The following TIAM2 variants were observed in gnomAD, a reference collection of about 807,000 sequenced individuals.
The protein encoded by TIAM2 is TIAM Rac1 associated GEF 2, also known as rho guanine nucleotide exchange factor TIAM2.
A neutral mutation model predicts 152.9 loss-of-function variants in TIAM2; 80 were observed. The ratio of observed to expected loss-of-function variants is 0.52; its 90% CI spans 0.44 to 0.63. The LOEUF is 0.63. Ranked by LOEUF, TIAM2 falls within the 30% of genes least tolerant of loss-of-function variation. The pLI is 0.00. For missense variants in TIAM2, 1,965 were observed against 2,120.1 expected (o/e 0.93, Z 1.44); for synonymous variants, 804 against 838.0 (o/e 0.96, Z 0.70).
intron 22 of TIAM2, 57 bp downstream of exon 22, chr6:155,251,078 C>A: frequency 6.8e-7 from 1 of 1,460,614 alleles, no homozygotes; most frequent in Non-Finnish European, 9.6e-7. Context: ...TACGGAAGAA[C>A]TTCACTAGCC....
chr6:155,238,556 G>A (rs1782883131), intron 15 of TIAM2, among the ~76,000 whole-genome samples: 1 of 152,188 alleles, frequency 6.6e-6, no homozygotes, highest in Non-Finnish European at 1.5e-5. Context: ...CTTGCCCCTT[G>A]AGGTAGGCCT....
At chr6:155,196,688 G>T (rs1255223553) in intron 14 of TIAM2, among the ~76,000 whole-genome samples, 13 of 152,180 alleles carry the variant, frequency 8.5e-5, no homozygotes, top group Admixed American at 8.5e-4. Context: ...CATAGTGTAA[G>T]GCAAACACAT....
chr6:155,256,455 C>A, intron 26 of TIAM2, 29 bp from the exon 27 acceptor site: 1 of 1,613,722 alleles, frequency 6.2e-7, no homozygotes, highest in South Asian at 1.1e-5. Context: ...GTTTCTGTAT[C>A]ACAGCGAAAT....
rs1168973624 is a variant in TIAM2, at chr6:155,156,436, C to T, written c.2029-7979C>T. 6.6e-6 allele frequency among the ~76,000 whole-genome samples: 1 copy of T among 152,142 alleles called. No individual in the cohort carries two copies. Among genetic ancestry groups the T allele is most frequent in the South Asian group, 2.1e-4 (1 of 4,828 alleles). On this transcript the variant is annotated intron_variant, in intron 7 of 26. Coordinates refer to ENST00000682666, the MANE Select transcript of TIAM2 (RefSeq NM_012454.4). The surrounding 1 kb of genome is among the most constrained non-coding windows in gnomAD (Gnocchi z 4.4). ...TTGGGAGGCCAAGGTGGGCGGATCACTTGAGGTCAGGAGTTCAAGACTAGC... is the reference window on the plus strand; with the variant it reads ...TTGGGAGGCCAAGGTGGGCGGATCATTTGAGGTCAGGAGTTCAAGACTAGC...
chr6:155,042,798 T>C (rs1777079299), intron 1 of TIAM2, among the ~76,000 whole-genome samples: 1 of 151,766 alleles, frequency 6.6e-6, no homozygotes, highest in African/African-American at 2.4e-5. Context: ...ACTCTCAGCA[T>C]TTTTCAAGTA....
At chr6:155,187,726 G>A (rs1381758340) in intron 14 of TIAM2, among the ~76,000 whole-genome samples, 1 of 151,768 alleles carries the variant, frequency 6.6e-6, no homozygotes, top group Non-Finnish European at 1.5e-5. Flanking sequence ...TTACAGGCAT[G>A]CACCACCACG....
At chr6:155,131,468 T>C (rs1233046791) in intron 4 of TIAM2, among the ~76,000 whole-genome samples, 1 of 152,204 alleles carries the variant, frequency 6.6e-6, no homozygotes, top group East Asian at 1.9e-4. Flanking sequence ...TCATTATTTT[T>C]GGTTGAATAG....
chr6:155,195,174 T>C (rs1781310629), intron 14 of TIAM2, among the ~76,000 whole-genome samples: 1 of 152,200 alleles, frequency 6.6e-6, no homozygotes, highest in Admixed American at 6.5e-5. Context: ...GTGTGCAAAA[T>C]AAAACTTGTA....
chr6:155,138,332 C>G (rs1049161381), intron 5 of TIAM2, among the ~76,000 whole-genome samples: 1 of 152,102 alleles, frequency 6.6e-6, no homozygotes, highest in African/African-American at 2.4e-5. Flanking sequence ...GGTTTTCTTT[C>G]CAGCTTGTGC....
intron 1 of TIAM2, among the ~76,000 whole-genome samples, chr6:155,025,417 G>C (rs569558838): frequency 6.6e-6 from 1 of 151,944 alleles, no homozygotes; most frequent in Non-Finnish European, 1.5e-5. Flanking sequence ...TCCTGACCTC[G>C]TGATCTGCCC....
At chr6:155,206,494 T>C (rs1781599794) in intron 14 of TIAM2, among the ~76,000 whole-genome samples, 2 of 152,074 alleles carry the variant, frequency 1.3e-5, no homozygotes, top group Non-Finnish European at 2.9e-5. Context: ...CTCAGCCTCC[T>C]AAAGTGCTGG....
chr6:155,026,874 G>C (rs188063984), intron 1 of TIAM2, among the ~76,000 whole-genome samples: 3 of 152,076 alleles, frequency 2.0e-5, no homozygotes, highest in Non-Finnish European at 4.4e-5. Flanking sequence ...ATGGTGAGAC[G>C]GTGTAACGGA....
intron 2 of TIAM2, among the ~76,000 whole-genome samples, chr6:155,122,750 T>C (rs1427475921): frequency 1.3e-5 from 2 of 152,036 alleles, no homozygotes; most frequent in Non-Finnish European, 2.9e-5. Context: ...ATACTTCATA[T>C]CTCTTCCTGC....
At chr6:155,159,805 T>C (rs1780219819) in intron 7 of TIAM2, among the ~76,000 whole-genome samples, 1 of 152,206 alleles carries the variant, frequency 6.6e-6, no homozygotes, top group African/African-American at 2.4e-5. Flanking sequence ...CAGATCTTCA[T>C]TTAAGCTCTG....
chr6:155,058,824 G>A (rs893829259), intron 1 of TIAM2, among the ~76,000 whole-genome samples: 37 of 152,208 alleles, frequency 2.4e-4, no homozygotes, highest in Non-Finnish European at 4.6e-4. Context: ...GATACATTTC[G>A]TTCTAGAAGC....
intron 7 of TIAM2, among the ~76,000 whole-genome samples, chr6:155,157,985 G>A (rs1330311532): frequency 1.3e-5 from 2 of 152,160 alleles, no homozygotes; most frequent in African/African-American, 4.8e-5. Flanking sequence ...TTAGCTGGTT[G>A]TTCTAAATAC....
At chr6:155,246,746 T>A (rs11754038) in intron 19 of TIAM2, among the ~76,000 whole-genome samples, 1 of 151,758 alleles carries the variant, frequency 6.6e-6, no homozygotes, top group African/African-American at 2.4e-5. Context: ...AATGGCTTGC[T>A]CCATTCCTCC....
chr6:155,118,416 TC>T (rs1310491859), intron 2 of TIAM2, among the ~76,000 whole-genome samples: 10 of 72,980 alleles, frequency 1.4e-4, no homozygotes, highest in Non-Finnish European at 3.7e-4. Context: ...TTTTCTTTTT[TC>T]TTTTTCTTTT....
At chr6:155,245,549 G>A in intron 18 of TIAM2, 74 bp from the exon 19 acceptor site, 1 of 1,205,044 alleles carries the variant, frequency 8.3e-7, no homozygotes, top group Non-Finnish European at 1.2e-6. Flanking sequence ...GAAGCCATGG[G>A]GCCGTCAAAT....
Sources: allele counts gnomAD v4.1 joint callset (sites outside exome capture counted in the v4.1 genomes callset), GRCh38; gene constraint gnomAD v4.1.1; non-coding constraint Gnocchi (gnomAD v3.1); transcripts MANE v1.5; gene names NCBI Gene and HGNC (gene_info 2026-07-23, HGNC 2026-07-21).